The following SLC35B3 variants were observed in gnomAD, a reference collection of about 807,000 sequenced individuals.
SLC35B3 encodes the protein adenosine 3'-phospho 5'-phosphosulfate transporter 2.
Under a neutral mutation model 44.1 loss-of-function variants are expected in SLC35B3, and 35 were observed. That is an observed-to-expected ratio of 0.79 (90% CI 0.61 to 1.05). SLC35B3 has a LOEUF of 1.05. Among genes scored for constraint, SLC35B3 ranks in the 50% least tolerant of loss-of-function variants. The probability of loss-of-function intolerance (pLI) is 0.00; values close to 1 mark genes in which losing one functional copy is unlikely to be tolerated. For missense variants in SLC35B3, 414 were observed against 476.4 expected, an observed-to-expected ratio of 0.87 and a Z score of 1.22; for synonymous variants, 146 against 167.3, an observed-to-expected ratio of 0.87 and a Z score of 0.98.
chr6:8,434,049 T>TATA lies in SLC35B3; in HGVS notation c.3+335_3+336insTAT, dbSNP rs1554122963. Among the ~76,000 whole-genome samples, 980 of 150,226 alleles carry TATA rather than the reference T, an allele frequency of 6.5e-3. 7 individuals are homozygous for TATA. The highest frequency in any genetic ancestry group is 0.019 in the African/African-American group (797 of 40,904). ...TGAAACTAAAATATATATATATATA[T>TATA]TTTAAAAATCACAGGTGTGTATAAT... On this transcript the variant is annotated intron_variant, in intron 2 of 10. Coordinates refer to ENST00000644923, the MANE Select transcript of SLC35B3 (RefSeq NM_001370476.2). This position sits in a 1 kb window ranked among gnomAD's most constrained non-coding sequence, Gnocchi z 6.3.
At chr6:8,427,337 G>A (rs1469064346) in intron 4 of SLC35B3, among the ~76,000 whole-genome samples, 1 of 152,172 alleles carries the variant, frequency 6.6e-6, no homozygotes, top group Non-Finnish European at 1.5e-5. Flanking sequence ...AGGAAAGAAA[G>A]GTTTTGTGGG....
In SLC35B3 at chr6:8,427,984, G is replaced by A; in HGVS notation, c.372C>T (p.Ser124=). ...GCTGAAGTTCTATTAGGCCAAATATGGAGTAAAAGGCAAACTGCACTAAGG... is the reference window on the plus strand; with the variant it reads ...GCTGAAGTTCTATTAGGCCAAATATAGAGTAAAAGGCAAACTGCACTAAGG... The change falls in exon 4 of 11, where the codon TCC becomes TCT. Residue 124 remains serine (S), a synonymous_variant. Coordinates refer to ENST00000644923, the MANE Select transcript of SLC35B3 (RefSeq NM_001370476.2). The A allele has an allele frequency of 6.2e-7, 1 of 1,612,192 alleles. No homozygotes were observed. Among genetic ancestry groups the A allele is most frequent in the Non-Finnish European group, 8.5e-7 (1 of 1,178,828 alleles).
intron 4 of SLC35B3, among the ~76,000 whole-genome samples, chr6:8,425,916 T>C (rs1046434928): frequency 1.3e-5 from 2 of 152,242 alleles, no homozygotes; most frequent in African/African-American, 4.8e-5. Context: ...TTGCATATTG[T>C]TCTAGATGCC....
chr6:8,422,710 A>G, intron 4 of SLC35B3, 86 bp from the exon 4 acceptor site: 1 of 1,040,806 alleles, frequency 9.6e-7, no homozygotes, highest in South Asian at 1.8e-5. Flanking sequence ...GTAAATGTCT[A>G]ATTACTTTTC....
chr6:8,429,778 A>T (rs1175852790), intron 3 of SLC35B3, 86 bp downstream of exon 2: 6 of 962,478 alleles, frequency 6.2e-6, no homozygotes, highest in Non-Finnish European at 7.6e-6. Context: ...CCCCTAAGTG[A>T]CTATCTTGGG....
In SLC35B3 at chr6:8,434,302, G is replaced by A. The variant is rs1764274793; in HGVS notation, c.3+83C>T. 1 of 1,327,138 alleles carries A rather than the reference G, an allele frequency of 7.5e-7. No homozygotes were observed. The highest frequency in any genetic ancestry group is 2.3e-5 in the East Asian group (1 of 43,100). The allele number at this position is 1,327,138 out of a possible 1,614,324, so 82.2% of individuals were successfully genotyped here. ...AAAAAAGGTAGAATATGAAAAAAAA[G>A]TCATTACGGTGTCATTAACCTGAAA... On this transcript the variant is annotated intron_variant, in intron 2 of 10. Transcript: ENST00000644923. This position sits in a 1 kb window ranked among gnomAD's most constrained non-coding sequence, Gnocchi z 6.3.
In SLC35B3 at chr6:8,427,950, C is replaced by T. The variant is rs1485799904; in HGVS notation, c.406G>A (p.Asp136Asn). ...CAAACCACATACCTCCTCCTTTTGT[C>T]CTGAATAAGCTGAAGTTCTATTAGG... The change falls in exon 4 of 11, where the codon GAC (aspartate) becomes AAC (asparagine). Residue 136 changes from aspartate to asparagine, a missense_variant. Coordinates refer to ENST00000644923, the MANE Select transcript of SLC35B3 (RefSeq NM_001370476.2). 2 of 1,611,816 alleles carry T rather than the reference C, an allele frequency of 1.2e-6. No individual in the cohort carries two copies. The highest frequency in any genetic ancestry group is 2.2e-5 in the South Asian group (2 of 90,722).
At chr6:8,427,593 T>A (rs982772498) in intron 4 of SLC35B3, among the ~76,000 whole-genome samples, 1 of 152,228 alleles carries the variant, frequency 6.6e-6, no homozygotes, top group African/African-American at 2.4e-5. Context: ...ATATTTCATT[T>A]CACCACTGTG....
chr6:8,435,169 C>G lies in SLC35B3; in HGVS notation c.-44+174G>C. 3.1e-6 allele frequency: 4 copies of G among 1,286,664 alleles called. No individual in the cohort carries two copies. Among genetic ancestry groups the G allele is most frequent in the Non-Finnish European group, 4.0e-6 (4 of 987,828 alleles). The allele number at this position is 1,286,664 out of a possible 1,614,324, so 79.7% of individuals were successfully genotyped here. A position where few individuals can be genotyped will look rare whatever the true frequency, so the allele number is the denominator to read the frequency against. On this transcript the variant is annotated intron_variant, in intron 1 of 10. Transcript: ENST00000644923. The surrounding 1 kb of genome is among the most constrained non-coding windows in gnomAD (Gnocchi z 5.5). Reference sequence around the variant, plus strand: ...AGGAACAGATGCTCCTCCCTGGAAACCGCCCGGCCGGTTTCCGCTCTTTCA... The same window carrying G: ...AGGAACAGATGCTCCTCCCTGGAAAGCGCCCGGCCGGTTTCCGCTCTTTCA...
intron 4 of SLC35B3, among the ~76,000 whole-genome samples, chr6:8,423,892 T>C (rs896239381): frequency 6.6e-6 from 1 of 152,182 alleles, no homozygotes; most frequent in African/African-American, 2.4e-5. Context: ...TTGACCCTCA[T>C]TGGGATATCA....
chr6:8,417,484 G>A lies in SLC35B3; in HGVS notation c.791C>T (p.Ser264Leu), dbSNP rs200430359. The A allele has an allele frequency of 9.8e-5, 155 of 1,582,566 alleles. No homozygotes were observed. The highest frequency in any genetic ancestry group is 1.8e-4 in the Admixed American group (10 of 56,002). ...AATGTATACAAAACCAATTGAATACGAATACAATACCTAGAGCAGATAAAA... is the reference window on the plus strand; with the variant it reads ...AATGTATACAAAACCAATTGAATACAAATACAATACCTAGAGCAGATAAAA... Residue 264 changes from serine (S) to leucine (L), a missense_variant, in exon 8 of 11, where the codon TCG (serine) becomes TTG (leucine). Transcript: ENST00000644923.
chr6:8,429,661 C>T (rs1763769884), intron 3 of SLC35B3: 1 of 434,074 alleles, frequency 2.3e-6, no homozygotes, highest in African/African-American at 2.0e-5. Flanking sequence ...ATAGTCTCTA[C>T]ATATGCCTCC....
chr6:8,422,735 T>C, intron 4 of SLC35B3, 111 bp from the exon 4 acceptor site: 3 of 829,402 alleles, frequency 3.6e-6, no homozygotes, highest in Non-Finnish European at 3.7e-6. Flanking sequence ...TTCTGGTTAC[T>C]ATTTCTGGAA....
intron 9 of SLC35B3, 43 bp from the exon 9 acceptor site, chr6:8,415,020 G>T: frequency 7.6e-7 from 1 of 1,308,146 alleles, no homozygotes; most frequent in South Asian, 1.3e-5. Context: ...CTATTATCTT[G>T]ACAATATTTT....
At chr6:8,429,214 C>A (rs1332149986) in intron 3 of SLC35B3, among the ~76,000 whole-genome samples, 1 of 152,148 alleles carries the variant, frequency 6.6e-6, no homozygotes, top group Non-Finnish European at 1.5e-5. Context: ...TGGATCCTCA[C>A]CCATCCAGCC....
chr6:8,422,236 C>G (rs564650971), intron 5 of SLC35B3, among the ~76,000 whole-genome samples: 1 of 152,162 alleles, frequency 6.6e-6, no homozygotes, highest in South Asian at 2.1e-4. Context: ...AACTCCTGAC[C>G]TTGTGATCTG....
At chr6:8,427,469 T>A (rs371690838) in intron 4 of SLC35B3, among the ~76,000 whole-genome samples, 85 of 152,348 alleles carry the variant, frequency 5.6e-4, no homozygotes, top group Middle Eastern at 6.8e-3. Context: ...AAATTTGTGT[T>A]AAGTACTTAT....
At chr6:8,429,532 G>A (rs1337214101) in intron 3 of SLC35B3, among the ~76,000 whole-genome samples, 6 of 152,062 alleles carry the variant, frequency 3.9e-5, no homozygotes, top group Non-Finnish European at 7.4e-5. Flanking sequence ...CAAGTAAACT[G>A]CACTATCATT....
At chr6:8,415,502 T>C (rs938544126) in intron 9 of SLC35B3, among the ~76,000 whole-genome samples, 3 of 152,212 alleles carry the variant, frequency 2.0e-5, no homozygotes, top group Non-Finnish European at 2.9e-5. Context: ...TCCTCCCTTC[T>C]GTCCCAGGCA....
Sources: allele counts gnomAD v4.1 joint callset (sites outside exome capture counted in the v4.1 genomes callset), GRCh38; gene constraint gnomAD v4.1.1; non-coding constraint Gnocchi (gnomAD v3.1); transcripts MANE v1.5; gene names NCBI Gene and HGNC (gene_info 2026-07-23, HGNC 2026-07-21).